The following MTHFD1L variants were observed in gnomAD, a reference collection of about 807,000 sequenced individuals.
MTHFD1L encodes the protein monofunctional C1-tetrahydrofolate synthase, mitochondrial.
Under a neutral mutation model 119.5 loss-of-function variants are expected in MTHFD1L, and 81 were observed. That is an observed-to-expected ratio of 0.68 (90% CI 0.57 to 0.82). The LOEUF is 0.82. MTHFD1L is among the 40% of genes least tolerant of loss of function. The probability of loss-of-function intolerance (pLI) is 0.00; values close to 1 mark genes in which losing one functional copy is unlikely to be tolerated. For missense variants in MTHFD1L, 1,125 were observed against 1,253.4 expected (o/e 0.90, Z 1.55); for synonymous variants, 430 against 475.2 (o/e 0.90, Z 1.24).
chr6:150,939,055 A>G (rs1427302140), intron 13 of MTHFD1L, among the ~76,000 whole-genome samples: 1 of 152,298 alleles, frequency 6.6e-6, no homozygotes, highest in East Asian at 1.9e-4. Flanking sequence ...AATAAACTAC[A>G]TGTAAATCAC....
chr6:150,951,490 A>G (rs1335731596), intron 16 of MTHFD1L, among the ~76,000 whole-genome samples: 1 of 152,228 alleles, frequency 6.6e-6, no homozygotes, highest in African/African-American at 2.4e-5. Flanking sequence ...AACTCTAGTT[A>G]TAACTTTAGT....
chr6:151,090,359 G>A (rs1320527630), intron 26 of MTHFD1L, among the ~76,000 whole-genome samples: 1 of 152,224 alleles, frequency 6.6e-6, no homozygotes, highest in Non-Finnish European at 1.5e-5. Flanking sequence ...GGAGCTGTTG[G>A]GGGCTGAGGC....
chr6:150,934,219 C>T (rs1489840160), intron 11 of MTHFD1L, among the ~76,000 whole-genome samples: 3 of 152,174 alleles, frequency 2.0e-5, no homozygotes, highest in South Asian at 2.1e-4. Flanking sequence ...ATCAAGTGAG[C>T]GTACAAATAA....
Position 151,037,197 on chromosome 6 carries a change from T to C in MTHFD1L, c.2847+80T>C, listed in dbSNP as rs916421995. 3.4e-5 allele frequency: 50 copies of C among 1,466,490 alleles called. 1 individual carries two copies. The Middle Eastern group carries it at 1.0e-3, about 29-fold the overall frequency. The allele number at this position is 1,466,490 out of a possible 1,614,324, so 90.8% of individuals were successfully genotyped here. On this transcript the variant is annotated intron_variant, in intron 26 of 27. Coordinates refer to ENST00000367321, the MANE Select transcript of MTHFD1L (RefSeq NM_015440.5). The stretch of plus-strand genomic sequence containing the variant: ...TCAAATCGTTATGCTCCGCCCGCTC[T>C]TTAAAAATCATGGATTAGGGAAAAT...
At chr6:150,960,087 T>G (rs1326941910) in intron 17 of MTHFD1L, among the ~76,000 whole-genome samples, 188 bp from the exon 18 acceptor site, 2 of 152,132 alleles carry the variant, frequency 1.3e-5, no homozygotes, top group Non-Finnish European at 2.9e-5. Context: ...GAGGCCACCC[T>G]AGGGAGCACC....
chr6:150,937,765 G>T (rs1792357651), intron 12 of MTHFD1L, among the ~76,000 whole-genome samples: 1 of 152,046 alleles, frequency 6.6e-6, no homozygotes, highest in South Asian at 2.1e-4. Context: ...AGTCCAAAAT[G>T]CTGAGAGCGG....
rs1381795268 is a variant in MTHFD1L, at chr6:150,926,938, A to G, written c.1256+643A>G. 6.6e-6 allele frequency among the ~76,000 whole-genome samples: 1 copy of G among 152,162 alleles called. No individual in the cohort carries two copies. The highest frequency in any genetic ancestry group is 1.5e-5 in the Non-Finnish European group (1 of 68,030). On this transcript the variant is annotated intron_variant, in intron 11 of 27. Transcript: ENST00000367321. This position sits in a 1 kb window ranked among gnomAD's most constrained non-coding sequence, Gnocchi z 4.3. Reference sequence around the variant, plus strand: ...TGATAGAAAGCAAGGGATTTCAAATATTTATTCAGTGTGACCTGAGGGAAC... The same window carrying G: ...TGATAGAAAGCAAGGGATTTCAAATGTTTATTCAGTGTGACCTGAGGGAAC...
intron 24 of MTHFD1L, among the ~76,000 whole-genome samples, chr6:151,024,733 G>A (rs1209485090): frequency 6.6e-6 from 1 of 152,200 alleles, no homozygotes; most frequent in East Asian, 1.9e-4. Context: ...GGAGGCTAAG[G>A]CCCAAGAATC....
intron 18 of MTHFD1L, among the ~76,000 whole-genome samples, chr6:150,963,178 C>T (rs772527594): frequency 2.9e-4 from 44 of 152,166 alleles, no homozygotes; most frequent in Non-Finnish European, 4.6e-4. Context: ...GGCCTCCCAA[C>T]GTGTTGGGAT....
intron 19 of MTHFD1L, among the ~76,000 whole-genome samples, chr6:150,967,459 C>CT (rs1797385086): frequency 6.6e-6 from 1 of 152,188 alleles, no homozygotes; most frequent in Non-Finnish European, 1.5e-5. Flanking sequence ...CTCCCAAACT[C>CT]TTGTTTGGAA....
chr6:150,932,265 ATT>A, intron 11 of MTHFD1L, among the ~76,000 whole-genome samples: 1 of 151,454 alleles, frequency 6.6e-6, no homozygotes, highest in Non-Finnish European at 1.5e-5. Flanking sequence ...GAGGGTGAGC[ATT>A]GTCCTTTACC....
At chr6:150,878,771 C>T (rs1389952137) in intron 4 of MTHFD1L, among the ~76,000 whole-genome samples, 1 of 152,088 alleles carries the variant, frequency 6.6e-6, no homozygotes, top group Non-Finnish European at 1.5e-5. Flanking sequence ...TGTATCTGGC[C>T]TTGTGCTATG....
At chr6:150,942,991 A>G (rs1474808745) in intron 13 of MTHFD1L, among the ~76,000 whole-genome samples, 2 of 152,198 alleles carry the variant, frequency 1.3e-5, no homozygotes, top group Non-Finnish European at 2.9e-5. Context: ...GATATTATCA[A>G]GATCTCAAAG....
At chr6:151,097,355 T>C (rs1794966833) in intron 27 of MTHFD1L, among the ~76,000 whole-genome samples, 1 of 152,244 alleles carries the variant, frequency 6.6e-6, no homozygotes, top group Non-Finnish European at 1.5e-5. Flanking sequence ...AAACTGGCTT[T>C]AGGGCATCTA....
chr6:150,877,555 C>T, intron 2 of MTHFD1L, 79 bp from the exon 3 acceptor site: 1 of 1,476,954 alleles, frequency 6.8e-7, no homozygotes, highest in Admixed American at 1.8e-5. Flanking sequence ...CATCTGTAAT[C>T]ACAAAATTCA....
At chr6:150,991,013 T>C (rs1418935750) in intron 20 of MTHFD1L, among the ~76,000 whole-genome samples, 1 of 152,098 alleles carries the variant, frequency 6.6e-6, no homozygotes, top group Non-Finnish European at 1.5e-5. Flanking sequence ...CATGCCACCA[T>C]GCCTGGCTAA....
In MTHFD1L at chr6:150,936,865, C is replaced by T; in HGVS notation, c.1318C>T (p.Leu440=). The change falls in exon 12 of 28, where the codon CTG becomes TTG. Residue 440 remains leucine (L), a synonymous_variant. Coordinates refer to ENST00000367321, the MANE Select transcript of MTHFD1L (RefSeq NM_015440.5). ...STVTIGLVQA[L]TAHLNVNSFA... ...AGTCACCATCGGGCTTGTGCAGGCT[C>T]TGACCGCACACCTGAATGTCAACTC... is the stretch of plus-strand genomic sequence containing the variant. 6.2e-7 allele frequency: 1 copy of T among 1,614,138 alleles called. No homozygotes were observed. The highest frequency in any genetic ancestry group is 1.6e-4 in the Middle Eastern group (1 of 6,062).
At chr6:150,939,711 G>GTT (rs1792757146) in intron 13 of MTHFD1L, among the ~76,000 whole-genome samples, 1 of 92,602 alleles carries the variant, frequency 1.1e-5, no homozygotes, top group Non-Finnish European at 2.0e-5. Context: ...TTGAGACAGA[G>GTT]TTTTGCTTTG....
chr6:151,044,548 G>A (rs375418532), intron 26 of MTHFD1L, among the ~76,000 whole-genome samples: 2 of 151,990 alleles, frequency 1.3e-5, no homozygotes, highest in African/African-American at 4.8e-5. Context: ...TGATTCACCT[G>A]CCTCAGCCTC....
Sources: gnomAD v4.1 joint callset for allele counts (sites outside exome capture counted in the v4.1 genomes callset) on GRCh38, gnomAD v4.1.1 for gene constraint, Gnocchi (gnomAD v3.1) non-coding constraint, MANE v1.5 for transcripts, NCBI Gene and HGNC (gene_info 2026-07-23, HGNC 2026-07-21) for gene names.